Variants in BRD10 observed in about 807,000 individuals in gnomAD.
The protein encoded by BRD10 is bromodomain containing 10.
At chr9:5,906,945 T>A in the BRD10 span, 4 of 1,598,532 alleles carry the variant, frequency 2.5e-6, no homozygotes, top group Non-Finnish European at 3.4e-6. Context: ...ACAAGAAGGG[T>A]TTGATCATCG....
At chr9:5,927,577 C>A in the BRD10 span, among the ~76,000 whole-genome samples, 1 of 152,188 alleles carries the variant, frequency 6.6e-6, no homozygotes, top group South Asian at 2.1e-4. Flanking sequence ...TTTATCCACT[C>A]TTCTACTACC....
At chr9:5,973,709 C>T in the BRD10 span, among the ~76,000 whole-genome samples, 4 of 151,776 alleles carry the variant, frequency 2.6e-5, no homozygotes, top group Admixed American at 6.6e-5. Context: ...GGCAACATGG[C>T]GAGATTTCAT....
chr9:5,944,880 T>C, the BRD10 span: 5 of 1,521,022 alleles, frequency 3.3e-6, no homozygotes, highest in African/African-American at 2.8e-5. Flanking sequence ...CCGATTTTTT[T>C]CTACTGTTTT....
the BRD10 span, among the ~76,000 whole-genome samples, chr9:5,972,881 C>G: frequency 6.6e-6 from 1 of 152,144 alleles, no homozygotes; most frequent in East Asian, 1.9e-4. Flanking sequence ...TTAATATACT[C>G]AGAAAATAAG....
chr9:5,989,128 G>C, the BRD10 span, among the ~76,000 whole-genome samples: 1 of 151,450 alleles, frequency 6.6e-6, no homozygotes, highest in African/African-American at 2.4e-5. Flanking sequence ...TACTCGGCAG[G>C]CTGAGGCAGG....
chr9:5,985,518 G>A, the BRD10 span, among the ~76,000 whole-genome samples: 1 of 152,198 alleles, frequency 6.6e-6, no homozygotes, highest in African/African-American at 2.4e-5. Context: ...GGGCACGGTG[G>A]CTCACACCTG....
At chr9:5,918,111 G>T in the BRD10 span, among the ~76,000 whole-genome samples, 2 of 152,152 alleles carry the variant, frequency 1.3e-5, no homozygotes, top group African/African-American at 4.8e-5. Flanking sequence ...AGAAAAACGG[G>T]GAGAGTGACT....
the BRD10 span, among the ~76,000 whole-genome samples, chr9:5,888,122 G>C: frequency 6.6e-6 from 1 of 152,320 alleles, no homozygotes; most frequent in Non-Finnish European, 1.5e-5. Context: ...TTTAATCTAA[G>C]TCTTGAGCTG....
At chr9:5,949,031 T>C in the BRD10 span, among the ~76,000 whole-genome samples, 1 of 152,180 alleles carries the variant, frequency 6.6e-6, no homozygotes, top group Non-Finnish European at 1.5e-5. Flanking sequence ...AACACAGATG[T>C]TTCTCTCAAT....
the BRD10 span, among the ~76,000 whole-genome samples, chr9:5,975,272 C>G: frequency 6.7e-6 from 1 of 150,332 alleles, no homozygotes; most frequent in South Asian, 2.1e-4. Flanking sequence ...TCTGTCTCTA[C>G]TAAAAAAAAA....
At chr9:5,882,349 C>A in the BRD10 span, among the ~76,000 whole-genome samples, 1 of 152,170 alleles carries the variant, frequency 6.6e-6, no homozygotes, top group Non-Finnish European at 1.5e-5. Context: ...CACCTCTAGA[C>A]ACTTTATGCC....
the BRD10 span, among the ~76,000 whole-genome samples, chr9:5,882,396 A>G: frequency 7.9e-5 from 12 of 152,198 alleles, 1 homozygote; most frequent in Non-Finnish European, 2.9e-5. Flanking sequence ...AGCTAGCCAA[A>G]CAAGTGTGAA....
chr9:5,994,651 C>A, the BRD10 span, among the ~76,000 whole-genome samples: 1 of 152,098 alleles, frequency 6.6e-6, no homozygotes, highest in East Asian at 1.9e-4. Context: ...CATGACTAAC[C>A]TCTTCTCTTA....
the BRD10 span, among the ~76,000 whole-genome samples, chr9:5,899,924 T>C: frequency 6.6e-6 from 1 of 152,194 alleles, no homozygotes; most frequent in Non-Finnish European, 1.5e-5. Flanking sequence ...TAGCTCTATT[T>C]TACACCCAGA....
chr9:5,908,503 G>A, the BRD10 span: 1 of 747,428 alleles, frequency 1.3e-6, no homozygotes, highest in Admixed American at 2.5e-5. Flanking sequence ...ACTTCACTGG[G>A]CAGAAATTAT....
At chr9:5,958,643 A>T in the BRD10 span, among the ~76,000 whole-genome samples, 1 of 152,336 alleles carries the variant, frequency 6.6e-6, no homozygotes, top group South Asian at 2.1e-4. Context: ...GGAGGAAGAA[A>T]AAGAACAGAA....
chr9:5,924,397 C>A, the BRD10 span, among the ~76,000 whole-genome samples: 1 of 151,964 alleles, frequency 6.6e-6, no homozygotes, highest in Non-Finnish European at 1.5e-5. Flanking sequence ...CCTATCTCGA[C>A]CTCTTGAATA....
At chr9:5,889,103 C>A in the BRD10 span, among the ~76,000 whole-genome samples, 1 of 152,206 alleles carries the variant, frequency 6.6e-6, no homozygotes, top group African/African-American at 2.4e-5. Context: ...ACCATTATAT[C>A]TGAGAAGTAT....
chr9:5,993,634 TA>T, the BRD10 span, among the ~76,000 whole-genome samples: 1 of 152,132 alleles, frequency 6.6e-6, no homozygotes, highest in Non-Finnish European at 1.5e-5. Flanking sequence ...GAGAAGGCCA[TA>T]ACGATGGAGC....
Sources: allele counts gnomAD v4.1 joint callset (sites outside exome capture counted in the v4.1 genomes callset), GRCh38; gene constraint gnomAD v4.1.1; transcripts MANE v1.5; gene names NCBI Gene and HGNC (gene_info 2026-07-23, HGNC 2026-07-21).